The following ME3 variants were observed in gnomAD, a reference collection of about 807,000 sequenced individuals.
ME3 encodes the protein malic enzyme 3, also known as NADP-dependent malic enzyme, mitochondrial.
ME3 carries 48 observed loss-of-function variants against 68.9 expected under a neutral mutation model. The ratio of observed to expected loss-of-function variants is 0.70; its 90% CI spans 0.55 to 0.89. ME3 has a LOEUF of 0.89. Among genes scored for constraint, ME3 ranks in the 40% least tolerant of loss-of-function variants. The pLI, the probability that ME3 is intolerant of heterozygous loss-of-function variation, is 0.00. For synonymous variants in ME3, 320 were observed against 318.8 expected, an observed-to-expected ratio of 1.00 and a Z score of -0.04; for missense variants, 675 against 797.4, an observed-to-expected ratio of 0.85 and a Z score of 1.85.
exon 11 of ME3, chr11:86,448,253 C>A: frequency 1.2e-6 from 2 of 1,612,340 alleles, no homozygotes; most frequent in Non-Finnish European, 1.7e-6. Context: ...GGTGGCTCCT[C>A]CCCTACAGGA....
intron 2 of ME3, among the ~76,000 whole-genome samples, chr11:86,595,496 A>G (rs1755842329): frequency 8.6e-6 from 1 of 116,912 alleles, no homozygotes; most frequent in African/African-American, 3.2e-5. Context: ...GTCTGCCTTT[A>G]GAGTCTGTGC....
chr11:86,454,739 GT>G (rs1481840317), intron 8 of ME3, among the ~76,000 whole-genome samples: 1 of 152,234 alleles, frequency 6.6e-6, no homozygotes, highest in African/African-American at 2.4e-5. Context: ...GTTCCATTGA[GT>G]TGGCTGGAAG....
chr11:86,529,676 A>G (rs1955055238), intron 4 of ME3, among the ~76,000 whole-genome samples: 1 of 152,240 alleles, frequency 6.6e-6, no homozygotes, highest in African/African-American at 2.4e-5. Flanking sequence ...AGTGGGCTTC[A>G]TCCCTGGGAT....
At chr11:86,579,773 T>C (rs977272883) in intron 2 of ME3, among the ~76,000 whole-genome samples, 2 of 152,226 alleles carry the variant, frequency 1.3e-5, no homozygotes, top group Non-Finnish European at 2.9e-5. Context: ...GGTTGATAAA[T>C]TTTAACTGGT....
chr11:86,593,393 C>A (rs1385844211), intron 2 of ME3, among the ~76,000 whole-genome samples: 1 of 146,654 alleles, frequency 6.8e-6, no homozygotes, highest in Non-Finnish European at 1.5e-5. Context: ...ATAGTAAGGA[C>A]AGCAACAGCT....
intron 2 of ME3, among the ~76,000 whole-genome samples, chr11:86,610,446 G>A (rs1368109931): frequency 6.6e-6 from 1 of 152,172 alleles, no homozygotes; most frequent in East Asian, 1.9e-4. Context: ...ATATTATGGG[G>A]AGGATAGTGC....
At chr11:86,559,230 T>A (rs1957079412) in intron 3 of ME3, among the ~76,000 whole-genome samples, 1 of 151,878 alleles carries the variant, frequency 6.6e-6, no homozygotes, top group East Asian at 1.9e-4. Context: ...TCCTAAGGTG[T>A]CCCCTGTCCA....
chr11:86,639,705 C>A (rs529485852), intron 2 of ME3, among the ~76,000 whole-genome samples: 5 of 152,304 alleles, frequency 3.3e-5, no homozygotes, highest in South Asian at 4.1e-4. Flanking sequence ...TTTCTACAAA[C>A]TGAGATGCTA....
chr11:86,609,266 T>C (rs12282010), intron 2 of ME3, among the ~76,000 whole-genome samples: 67,537 of 152,018 alleles, frequency 0.44, 15,562 homozygotes, highest in East Asian at 0.71. Context: ...GTGCCATTAA[T>C]GTGTGGTTGA....
chr11:86,523,076 G>A (rs529515586), intron 4 of ME3, among the ~76,000 whole-genome samples: 99 of 152,242 alleles, frequency 6.5e-4, no homozygotes, highest in African/African-American at 2.4e-3. Context: ...AGACTTAAAG[G>A]TGTTAAACCA....
At chr11:86,645,810 G>A (rs1944972917) in intron 2 of ME3, among the ~76,000 whole-genome samples, 1 of 152,188 alleles carries the variant, frequency 6.6e-6, no homozygotes, top group Admixed American at 6.5e-5. Context: ...GCCCCAGCTG[G>A]CATCTGGGAG....
intron 2 of ME3, among the ~76,000 whole-genome samples, chr11:86,651,366 C>A (rs1320772803): frequency 1.4e-4 from 22 of 152,220 alleles, no homozygotes; most frequent in Admixed American, 1.4e-3. Flanking sequence ...ACTGACACCT[C>A]ACATGGCCGG....
In ME3 at chr11:86,655,569, C is replaced by A. The variant is rs530008864; in HGVS notation, c.183+16193G>T. ...TATGTAGAAAGCTGAAACTGGATCGCTTCCTTATACCTTATACAAAAATTA... is the reference window on the plus strand; with the variant it reads ...TATGTAGAAAGCTGAAACTGGATCGATTCCTTATACCTTATACAAAAATTA... On this transcript the variant is annotated intron_variant, in intron 2 of 14. Transcript: ENST00000543262. Among the ~76,000 whole-genome samples, 229 of 152,180 alleles carry A rather than the reference C, an allele frequency of 1.5e-3. 3 individuals carry two copies. Among genetic ancestry groups the A allele is most frequent in the Admixed American group, 4.2e-3 (64 of 15,296 alleles).
chr11:86,463,778 G>A (rs1189525937), intron 8 of ME3, among the ~76,000 whole-genome samples: 3 of 152,072 alleles, frequency 2.0e-5, no homozygotes, highest in East Asian at 3.8e-4. Context: ...GACCATAATG[G>A]GGAAAAAAGG....
chr11:86,562,075 CTCTT>C (rs1480980986), intron 2 of ME3, among the ~76,000 whole-genome samples: 1 of 152,142 alleles, frequency 6.6e-6, no homozygotes. Context: ...TTGTTCATCT[CTCTT>C]TCCTTCCCCA....
At chr11:86,488,794 G>A (rs1951837276) in intron 6 of ME3, among the ~76,000 whole-genome samples, 1 of 152,200 alleles carries the variant, frequency 6.6e-6, no homozygotes, top group African/African-American at 2.4e-5. Context: ...CCTTCTAGGT[G>A]CTGACAGGTG....
At chr11:86,533,940 A>G (rs1003269672) in intron 4 of ME3, among the ~76,000 whole-genome samples, 13 of 152,142 alleles carry the variant, frequency 8.5e-5, no homozygotes, top group South Asian at 6.2e-4. Flanking sequence ...GGCATAGCCT[A>G]TTGCTCCTAG....
At chr11:86,443,405 T>C (rs1949116314) in intron 13 of ME3, among the ~76,000 whole-genome samples, 2 of 152,206 alleles carry the variant, frequency 1.3e-5, no homozygotes, top group Admixed American at 1.3e-4. Flanking sequence ...TCTCCTCCAG[T>C]GAGTGATTGA....
At chr11:86,600,630 C>A (rs1594615285) in intron 2 of ME3, among the ~76,000 whole-genome samples, 1 of 151,790 alleles carries the variant, frequency 6.6e-6, no homozygotes, top group South Asian at 2.1e-4. Context: ...ACTCTCCACC[C>A]CAAATCAACA....
Sources: gnomAD v4.1 joint callset for allele counts (sites outside exome capture counted in the v4.1 genomes callset) on GRCh38, gnomAD v4.1.1 for gene constraint, MANE v1.5 for transcripts, NCBI Gene and HGNC (gene_info 2026-07-23, HGNC 2026-07-21) for gene names.